The following VAT1L variants were observed in gnomAD, a reference collection of about 807,000 sequenced individuals.
The protein encoded by VAT1L is vesicle amine transport 1 like.
In VAT1L, 34 loss-of-function variants were observed where a neutral mutation model predicts 44.1. The observed-to-expected ratio is 0.77, with a 90% CI of 0.59 to 1.03. The LOEUF is 1.03. VAT1L is among the 50% of genes least tolerant of loss of function. The pLI, the probability that VAT1L is intolerant of heterozygous loss-of-function variation, is 0.00. For missense variants in VAT1L, 615 were observed against 538.8 expected, an observed-to-expected ratio of 1.14 and a Z score of -1.40; for synonymous variants, 253 against 202.2, an observed-to-expected ratio of 1.25 and a Z score of -2.13.
chr16:77,910,485 A>G (rs974310500), intron 7 of VAT1L, among the ~76,000 whole-genome samples: 5 of 152,100 alleles, frequency 3.3e-5, no homozygotes, highest in African/African-American at 7.2e-5. Flanking sequence ...ATCCTGGCTA[A>G]CACGGTGAAA....
chr16:77,888,064 C>T (rs771728446), intron 7 of VAT1L, among the ~76,000 whole-genome samples: 1 of 152,188 alleles, frequency 6.6e-6, no homozygotes, highest in Non-Finnish European at 1.5e-5. Flanking sequence ...TTTGAACACT[C>T]CTTTTCCCAA....
chr16:77,813,010 T>C (rs781265415), intron 1 of VAT1L, among the ~76,000 whole-genome samples: 1 of 152,180 alleles, frequency 6.6e-6, no homozygotes, highest in Non-Finnish European at 1.5e-5. Context: ...TTAAGAGCTG[T>C]ATAAAATTTT....
intron 7 of VAT1L, among the ~76,000 whole-genome samples, chr16:77,909,126 G>A (rs528886508): frequency 5.7e-4 from 87 of 152,280 alleles, no homozygotes; most frequent in African/African-American, 1.9e-3. Context: ...CAATAACCAT[G>A]AGAAGTAGAT....
At chr16:77,822,780 C>T (rs1384188633) in intron 2 of VAT1L, among the ~76,000 whole-genome samples, 4 of 152,140 alleles carry the variant, frequency 2.6e-5, no homozygotes, top group African/African-American at 9.7e-5. Context: ...AGCGAGCAGA[C>T]CAGACTTTGC....
chr16:77,974,396 G>A (rs986146834), intron 8 of VAT1L, among the ~76,000 whole-genome samples: 3 of 152,156 alleles, frequency 2.0e-5, no homozygotes, highest in Non-Finnish European at 4.4e-5. Context: ...GGATGCTCCT[G>A]TGTCCATCAC....
chr16:77,834,135 G>A (rs920727177), intron 3 of VAT1L, among the ~76,000 whole-genome samples: 4 of 152,130 alleles, frequency 2.6e-5, no homozygotes, highest in African/African-American at 9.7e-5. Context: ...CTCAGGACAA[G>A]TTCAGTCCCC....
intron 3 of VAT1L, among the ~76,000 whole-genome samples, chr16:77,860,558 G>A (rs917836087): frequency 2.6e-5 from 4 of 152,210 alleles, no homozygotes; most frequent in Non-Finnish European, 4.4e-5. Context: ...AATACAGGGA[G>A]ACTGGAACTA....
At chr16:77,892,478 G>T in intron 7 of VAT1L, 1 of 527,552 alleles carries the variant, frequency 1.9e-6, no homozygotes, top group South Asian at 1.5e-5. Flanking sequence ...GGGCCCTTGT[G>T]TCTCCTTTGA....
intron 7 of VAT1L, among the ~76,000 whole-genome samples, chr16:77,920,019 G>C (rs1438167274): frequency 3.9e-5 from 6 of 152,280 alleles, no homozygotes; most frequent in Admixed American, 1.3e-4. Flanking sequence ...GAGAGGCAGA[G>C]ATTGCAGTGA....
At chr16:77,828,307 T>C (rs2016545514) in intron 3 of VAT1L, among the ~76,000 whole-genome samples, 1 of 152,214 alleles carries the variant, frequency 6.6e-6, no homozygotes, top group African/African-American at 2.4e-5. Flanking sequence ...GTAAGGACGT[T>C]GAGATAGGGA....
intron 7 of VAT1L, among the ~76,000 whole-genome samples, chr16:77,960,615 C>T (rs1197118568): frequency 6.6e-6 from 1 of 152,136 alleles, no homozygotes; most frequent in Non-Finnish European, 1.5e-5. Context: ...TCTGATCTAG[C>T]AGGATCTCAT....
chr16:77,796,747 G>A (rs939113305), intron 1 of VAT1L, among the ~76,000 whole-genome samples: 4 of 152,148 alleles, frequency 2.6e-5, no homozygotes, highest in African/African-American at 7.2e-5. Context: ...CTTGCCTAGC[G>A]TTCTCACACT....
chr16:77,886,193 T>A (rs2017207531), intron 7 of VAT1L, among the ~76,000 whole-genome samples: 3 of 152,212 alleles, frequency 2.0e-5, no homozygotes, highest in Admixed American at 2.0e-4. Flanking sequence ...TGCCTTCTGC[T>A]GTGTAATTGC....
At chr16:77,929,311 G>A (rs1052927504) in intron 7 of VAT1L, among the ~76,000 whole-genome samples, 2 of 152,182 alleles carry the variant, frequency 1.3e-5, no homozygotes, top group African/African-American at 4.8e-5. Flanking sequence ...ATTAGTGAAA[G>A]ATTGGCAACA....
rs1186842128 is a variant in VAT1L at position 77,879,282 on chromosome 16, G to A, written c.882+58G>A. 1.3e-6 allele frequency: 2 copies of A among 1,564,718 alleles called. No homozygotes were observed. The highest frequency in any genetic ancestry group is 1.8e-6 in the Non-Finnish European group (2 of 1,136,444). On this transcript the variant is annotated intron_variant, in intron 6 of 8. Coordinates refer to ENST00000302536, the MANE Select transcript of VAT1L (RefSeq NM_020927.3). The surrounding 1 kb of genome is among the most constrained non-coding windows in gnomAD (Gnocchi z 4.1). ...TGGCATGTTGATTCACATGTTGAGA[G>A]CTTTGTTTTTGTTTGTTTGTTTGTT...
At chr16:77,907,120 T>C (rs755004234) in intron 7 of VAT1L, among the ~76,000 whole-genome samples, 4 of 152,176 alleles carry the variant, frequency 2.6e-5, no homozygotes, top group African/African-American at 9.7e-5. Flanking sequence ...CTGTGTAGCA[T>C]TGGCCAATTT....
intron 7 of VAT1L, among the ~76,000 whole-genome samples, chr16:77,910,504 C>G (rs2017488160): frequency 6.6e-6 from 1 of 151,900 alleles, no homozygotes; most frequent in African/African-American, 2.4e-5. Context: ...AACCCCGTCT[C>G]TACTAAAAAT....
chr16:77,937,775 C>T (rs1183143296), intron 7 of VAT1L, among the ~76,000 whole-genome samples: 1 of 152,158 alleles, frequency 6.6e-6, no homozygotes, highest in Non-Finnish European at 1.5e-5. Context: ...CTTGAAAAGG[C>T]GAGTTGAATC....
intron 4 of VAT1L, among the ~76,000 whole-genome samples, chr16:77,867,503 G>T (rs190798845): frequency 1.9e-4 from 29 of 151,832 alleles, no homozygotes; most frequent in African/African-American, 7.0e-4. Context: ...GATGCTTCTC[G>T]ACTTACAATG....
Sources: allele counts gnomAD v4.1 joint callset (sites outside exome capture counted in the v4.1 genomes callset), GRCh38; gene constraint gnomAD v4.1.1; non-coding constraint Gnocchi (gnomAD v3.1); transcripts MANE v1.5; gene names NCBI Gene and HGNC (gene_info 2026-07-23, HGNC 2026-07-21).